The following AGO1 variants were observed in gnomAD, a reference collection of about 807,000 sequenced individuals.
AGO1 encodes argonaute RISC component 1, also known as protein argonaute-1.
Under a neutral mutation model 109.2 loss-of-function variants are expected in AGO1, and 11 were observed. That is an observed-to-expected ratio of 0.10 (90% CI 0.06 to 0.17). The LOEUF (loss-of-function observed/expected upper bound fraction) is 0.17. Ranked by LOEUF, AGO1 falls within the 10% of genes least tolerant of loss-of-function variation. The pLI is 1.00. For synonymous variants in AGO1, 422 were observed against 418.6 expected (o/e 1.01, Z -0.10); for missense variants, 574 against 1,140.3 (o/e 0.50, Z 7.15).
chr1:35,910,176 A>G (rs1645607435), intron 12 of AGO1, among the ~76,000 whole-genome samples: 1 of 147,658 alleles, frequency 6.8e-6, no homozygotes, highest in Non-Finnish European at 1.5e-5. Flanking sequence ...AGAAAAGAGT[A>G]CCAGTCAGAT....
In AGO1 at chr1:35,894,056, T is replaced by C. The variant is rs1645271909; in HGVS notation, c.669T>C (p.Tyr223=). The C allele has an allele frequency of 5.8e-6, 9 of 1,560,218 alleles. No individual in the cohort carries two copies. The East Asian group carries it at 2.0e-4, about 35-fold the overall frequency. ...CCACAGTCTCAGCCACTGCCTTTTATAAGGCACAGCCAGTGATTGAGTTCA... is the reference window on the plus strand; with the variant it reads ...CCACAGTCTCAGCCACTGCCTTTTACAAGGCACAGCCAGTGATTGAGTTCA... ...LNIDVSATAF[Y]KAQPVIEFMC... Residue 223 remains tyrosine (Y), a synonymous_variant, in exon 6 of 19, where the codon TAT becomes TAC. Coordinates refer to ENST00000373204, the MANE Select transcript of AGO1 (RefSeq NM_012199.5).
intron 8 of AGO1, among the ~76,000 whole-genome samples, chr1:35,898,264 T>G (rs968575358): frequency 2.0e-5 from 3 of 151,988 alleles, no homozygotes; most frequent in Non-Finnish European, 4.4e-5. Context: ...TAACATCTTT[T>G]TTTTTTTTTT....
At chr1:35,891,634 G>A (rs1233958749) in intron 2 of AGO1, among the ~76,000 whole-genome samples, 4 of 150,366 alleles carry the variant, frequency 2.7e-5, no homozygotes, top group Non-Finnish European at 5.9e-5. Flanking sequence ...GCATGATCTC[G>A]GCTCACTGCA....
chr1:35,911,424 C>T (rs749068134), intron 12 of AGO1, among the ~76,000 whole-genome samples: 1 of 152,106 alleles, frequency 6.6e-6, no homozygotes, highest in Non-Finnish European at 1.5e-5. Flanking sequence ...CTCTTAGCTT[C>T]CTACCCACAC....
chr1:35,871,716 A>G (rs966453135), intron 1 of AGO1, among the ~76,000 whole-genome samples: 1 of 151,862 alleles, frequency 6.6e-6, no homozygotes, highest in African/African-American at 2.4e-5. Flanking sequence ...CTATAAATAA[A>G]TAATGATTTT....
At chr1:35,871,171 C>G (rs1482300681) in intron 1 of AGO1, among the ~76,000 whole-genome samples, 1 of 152,244 alleles carries the variant, frequency 6.6e-6, no homozygotes, top group Non-Finnish European at 1.5e-5. Flanking sequence ...ACCAACAGAT[C>G]ATTATTCTAC....
intron 12 of AGO1, among the ~76,000 whole-genome samples, chr1:35,907,468 A>G (rs2148719208): frequency 6.6e-6 from 1 of 152,168 alleles, no homozygotes; most frequent in East Asian, 1.9e-4. Flanking sequence ...ATCGTGCAGC[A>G]CAACCAAGCA....
Position 35,926,658 on chromosome 1 carries a change from C to T in AGO1, c.*7051C>T, listed in dbSNP as rs1487381167. 2.0e-5 allele frequency: 3 copies of T among 152,148 alleles called. No individual in the cohort carries two copies. Among genetic ancestry groups the T allele is most frequent in the Non-Finnish European group, 2.9e-5 (2 of 68,036 alleles). The allele number at this position is 152,148 out of a possible 1,614,324, so 9.4% of individuals were successfully genotyped here. A position where few individuals can be genotyped will look rare whatever the true frequency, so the allele number is the denominator to read the frequency against. ...TGTTCTAGCTTTGCAGACATTTATT[C>T]CTCTGATGATAGGCTGAGAAATGCC... On this transcript the variant is annotated 3_prime_UTR_variant, in exon 19 of 19. Transcript: ENST00000373204.
chr1:35,891,558 A>AT (rs977971014), intron 2 of AGO1, among the ~76,000 whole-genome samples: 3 of 151,478 alleles, frequency 2.0e-5, no homozygotes, highest in African/African-American at 7.3e-5. Flanking sequence ...GTTTTAATTT[A>AT]TTTTTTATTT....
chr1:35,891,640 C>T (rs1271647362), intron 2 of AGO1, among the ~76,000 whole-genome samples: 1 of 152,080 alleles, frequency 6.6e-6, no homozygotes, highest in African/African-American at 2.4e-5. Flanking sequence ...TCTCGGCTCA[C>T]TGCAACCTCT....
rs902232968 is a variant in AGO1, at chr1:35,924,963, A to T, written c.*5356A>T. 6.6e-6 allele frequency: 1 copy of T among 152,198 alleles called. No homozygotes were observed. Among genetic ancestry groups the T allele is most frequent in the African/African-American group, 2.4e-5 (1 of 41,432 alleles). The allele number at this position is 152,198 out of a possible 1,614,324, so 9.4% of individuals were successfully genotyped here. On this transcript the variant is annotated 3_prime_UTR_variant, in exon 19 of 19. Transcript: ENST00000373204. ...GATGGTAGTTAAAGCCATAGGCATGAATGAGATAGCTTAGAAAAAGAGAAG... is the reference window on the plus strand; with the variant it reads ...GATGGTAGTTAAAGCCATAGGCATGTATGAGATAGCTTAGAAAAAGAGAAG...
intron 1 of AGO1, among the ~76,000 whole-genome samples, chr1:35,885,462 A>G (rs1191564487): frequency 1.3e-5 from 2 of 152,246 alleles, no homozygotes; most frequent in African/African-American, 2.4e-5. Context: ...GCTTTGCCTC[A>G]GTAAAGGGTA....
chr1:35,905,337 AT>A (rs1251527453), intron 11 of AGO1, among the ~76,000 whole-genome samples: 1 of 152,212 alleles, frequency 6.6e-6, no homozygotes, highest in Non-Finnish European at 1.5e-5. Flanking sequence ...TCTAACATTC[AT>A]TTTGAAAAAT....
chr1:35,902,138 C>T (rs577400981), intron 10 of AGO1, 66 bp from the exon 11 acceptor site: 2 of 1,588,108 alleles, frequency 1.3e-6, no homozygotes, highest in South Asian at 1.1e-5. Context: ...TAGCCAGGGG[C>T]TTTTGCTCCC....
At chr1:35,884,729 G>T (rs1196347161) in intron 1 of AGO1, among the ~76,000 whole-genome samples, 2 of 152,134 alleles carry the variant, frequency 1.3e-5, no homozygotes, top group Non-Finnish European at 2.9e-5. Flanking sequence ...AGGAGGAAAA[G>T]ACATAGGAAC....
Position 35,920,511 on chromosome 1 carries a change from G to A in AGO1, c.*904G>A, listed in dbSNP as rs1440689421. The A allele has an allele frequency of 2.0e-5, 3 of 152,552 alleles. No individual in the cohort carries two copies. Among genetic ancestry groups the A allele is most frequent in the African/African-American group, 7.2e-5 (3 of 41,430 alleles). The allele number at this position is 152,552 out of a possible 1,614,324, so 9.4% of individuals were successfully genotyped here. On this transcript the variant is annotated 3_prime_UTR_variant, in exon 19 of 19. Transcript: ENST00000373204. ...GACCCAACAAACCTCCAGCCAGAAA[G>A]CCAGCTATTTTGCATTTGAAGGAAT...
intron 15 of AGO1, 81 bp downstream of exon 15, chr1:35,915,623 A>G (rs1571376170): frequency 1.5e-6 from 2 of 1,339,760 alleles, no homozygotes; most frequent in East Asian, 5.0e-5. Flanking sequence ...AGCTATTGGC[A>G]CTGAGAGGTG....
chr1:35,882,682 C>G (rs755694897), upstream of AGO1, among the ~76,000 whole-genome samples: 12 of 152,198 alleles, frequency 7.9e-5, no homozygotes, highest in Non-Finnish European at 1.5e-4. This position sits in a 1 kb window ranked among gnomAD's most constrained non-coding sequence, Gnocchi z 5.1. Context: ...GGCCGCGTCT[C>G]TACTTATCTG....
chr1:35,894,184 CAGG>C lies in AGO1; in HGVS notation c.784+17_784+19del, dbSNP rs1645275025. ...AAGGAGATCAAGGGTGAGGACCCAA[CAGG>C]AGGGGAAGGGAAACAGCGCCACTTT... On this transcript the variant is annotated intron_variant, in intron 6 of 18. Coordinates refer to ENST00000373204, the MANE Select transcript of AGO1 (RefSeq NM_012199.5). 6.4e-6 allele frequency: 10 copies of C among 1,569,050 alleles called. No homozygotes were observed. In the East Asian group the frequency reaches 2.3e-4, roughly 35 times the overall value.
Sources: allele counts gnomAD v4.1 joint callset (sites outside exome capture counted in the v4.1 genomes callset), GRCh38; gene constraint gnomAD v4.1.1; non-coding constraint Gnocchi (gnomAD v3.1); transcripts MANE v1.5; gene names NCBI Gene and HGNC (gene_info 2026-07-23, HGNC 2026-07-21).